CUL1: variants seen among roughly 807,000 people sequenced by gnomAD.
CUL1 encodes cullin 1.
CUL1 carries 24 observed loss-of-function variants against 118.0 expected under a neutral mutation model. The ratio of observed to expected loss-of-function variants is 0.20; its 90% CI spans 0.15 to 0.29. The LOEUF (loss-of-function observed/expected upper bound fraction) is 0.29, where lower values mean the gene tolerates loss of function less well. CUL1 is among the 10% of genes least tolerant of loss of function. The pLI, the probability that CUL1 is intolerant of heterozygous loss-of-function variation, is 1.00. For missense variants in CUL1, 361 were observed against 933.8 expected, an observed-to-expected ratio of 0.39 and a Z score of 7.99; for synonymous variants, 332 against 340.4, an observed-to-expected ratio of 0.98 and a Z score of 0.27.
chr7:148,791,519 C>T (rs1479023275), intron 16 of CUL1, among the ~76,000 whole-genome samples: 3 of 152,224 alleles, frequency 2.0e-5, no homozygotes, highest in Non-Finnish European at 2.9e-5. Context: ...TGTTCCACTA[C>T]AGTACCTGGA....
At chr7:148,751,905 G>A (rs892323914) in intron 2 of CUL1, among the ~76,000 whole-genome samples, 9 of 152,132 alleles carry the variant, frequency 5.9e-5, no homozygotes, top group Admixed American at 1.3e-4. Context: ...GCCTGAAGTT[G>A]GGAGTTTGAG....
chr7:148,778,947 G>C (rs1206775362), intron 9 of CUL1, among the ~76,000 whole-genome samples: 2 of 152,180 alleles, frequency 1.3e-5, no homozygotes, highest in African/African-American at 4.8e-5. Flanking sequence ...TTCTTGAATG[G>C]TGCTGGGTTA....
intron 1 of CUL1, among the ~76,000 whole-genome samples, chr7:148,711,223 A>G (rs985505942): frequency 5.3e-5 from 8 of 152,186 alleles, no homozygotes; most frequent in Admixed American, 5.2e-4. Context: ...AGTGTCCATA[A>G]TTTCGGAAAA....
intron 9 of CUL1, among the ~76,000 whole-genome samples, chr7:148,768,902 G>C (rs544814746): frequency 2.0e-5 from 3 of 152,178 alleles, no homozygotes; most frequent in Non-Finnish European, 2.9e-5. Flanking sequence ...ATTATTAAAG[G>C]GTTGAGTATA....
At chr7:148,721,665 A>G (rs544057239) in intron 1 of CUL1, among the ~76,000 whole-genome samples, 2 of 152,036 alleles carry the variant, frequency 1.3e-5, no homozygotes, top group Admixed American at 6.6e-5. Context: ...TCGTAGAAGT[A>G]CTCTTTTAAA....
intron 9 of CUL1, among the ~76,000 whole-genome samples, chr7:148,777,560 G>C (rs1800442516): frequency 1.3e-5 from 2 of 152,322 alleles, no homozygotes; most frequent in South Asian, 4.1e-4. Flanking sequence ...TTTTACCTGA[G>C]TCTGCACGTG....
At chr7:148,773,818 G>A (rs1800304809) in intron 9 of CUL1, among the ~76,000 whole-genome samples, 1 of 152,136 alleles carries the variant, frequency 6.6e-6, no homozygotes, top group Admixed American at 6.5e-5. Context: ...AGTCACCTTG[G>A]AATGGTAGCA....
intron 7 of CUL1, 22 bp from the exon 8 acceptor site, chr7:148,766,539 C>A: frequency 6.3e-7 from 1 of 1,577,830 alleles, no homozygotes; most frequent in Non-Finnish European, 8.6e-7. Context: ...CAAAACCATT[C>A]ACTTGAATTA....
intron 7 of CUL1, among the ~76,000 whole-genome samples, chr7:148,763,103 C>T (rs1034992068): frequency 1.1e-4 from 17 of 151,832 alleles, no homozygotes; most frequent in South Asian, 1.0e-3. Flanking sequence ...GCCGAGATCG[C>T]GCCATTGCAC....
chr7:148,734,752 A>G (rs1397891751), intron 2 of CUL1, among the ~76,000 whole-genome samples: 2 of 152,208 alleles, frequency 1.3e-5, no homozygotes, highest in Non-Finnish European at 2.9e-5. Context: ...GCAGTGAAGT[A>G]TGAGAGTCCG....
At chr7:148,788,429 G>A (rs1800892446) in intron 13 of CUL1, 128 bp from the exon 14 acceptor site, 1 of 635,062 alleles carries the variant, frequency 1.6e-6, no homozygotes, top group Admixed American at 2.7e-5. Flanking sequence ...ATAGCAAAAT[G>A]TTACTAGCTT....
At chr7:148,740,072 G>C (rs1160187945) in intron 2 of CUL1, among the ~76,000 whole-genome samples, 1 of 115,918 alleles carries the variant, frequency 8.6e-6, no homozygotes, top group Non-Finnish European at 1.9e-5. Context: ...TTTTTTTTTT[G>C]AGACAGTTTT....
At chr7:148,710,797 A>G (rs1798027474) in intron 1 of CUL1, among the ~76,000 whole-genome samples, 2 of 151,566 alleles carry the variant, frequency 1.3e-5, no homozygotes, top group Non-Finnish European at 1.5e-5. Flanking sequence ...CCAAGTAGCT[A>G]GGATTAAAGG....
At chr7:148,717,495 A>AT (rs1433863756) in intron 1 of CUL1, among the ~76,000 whole-genome samples, 55 of 151,712 alleles carry the variant, frequency 3.6e-4, no homozygotes, top group Admixed American at 3.1e-3. Flanking sequence ...AGTTACCACG[A>AT]TAACTGCTTT....
At chr7:148,754,562 G>A (rs1228890388) in intron 3 of CUL1, among the ~76,000 whole-genome samples, 2 of 152,152 alleles carry the variant, frequency 1.3e-5, no homozygotes, top group Non-Finnish European at 2.9e-5. Context: ...GGATTTGGTT[G>A]TTAGAAATGA....
chr7:148,742,353 G>T (rs1162666375), intron 2 of CUL1, among the ~76,000 whole-genome samples: 1 of 152,152 alleles, frequency 6.6e-6, no homozygotes, highest in Non-Finnish European at 1.5e-5. Context: ...ATGGCAGTAG[G>T]CAAGAGAGCT....
At chr7:148,728,511 C>T (rs2129459555) in intron 1 of CUL1, among the ~76,000 whole-genome samples, 1 of 152,242 alleles carries the variant, frequency 6.6e-6, no homozygotes, top group Non-Finnish European at 1.5e-5. Flanking sequence ...GTGCTGTTAA[C>T]CCTCCCCAAG....
intron 9 of CUL1, among the ~76,000 whole-genome samples, chr7:148,775,907 A>G (rs944731251): frequency 6.6e-6 from 1 of 152,100 alleles, no homozygotes. Flanking sequence ...ATGGCCTGTA[A>G]GTACCTTGAA....
In CUL1 at chr7:148,722,688, T is replaced by C. The variant is rs527904174; in HGVS notation, c.-161-7274T>C. Reference sequence around the variant, plus strand: ...GACACTTTGGCACAGCCCAGAACCTTCCTCTCCACTCCTGAAACCTATTAT... The same window carrying C: ...GACACTTTGGCACAGCCCAGAACCTCCCTCTCCACTCCTGAAACCTATTAT... On this transcript the variant is annotated intron_variant, in intron 1 of 21. Coordinates refer to ENST00000325222, the MANE Select transcript of CUL1 (RefSeq NM_003592.3). 4.2e-3 allele frequency among the ~76,000 whole-genome samples: 641 copies of C among 152,350 alleles called. 2 individuals carry two copies. The highest frequency in any genetic ancestry group is 0.01 in the Middle Eastern group (3 of 294).
Sources: gnomAD v4.1 joint callset for allele counts (sites outside exome capture counted in the v4.1 genomes callset) on GRCh38, gnomAD v4.1.1 for gene constraint, MANE v1.5 for transcripts, NCBI Gene and HGNC (gene_info 2026-07-23, HGNC 2026-07-21) for gene names.